Variants in MRTFB observed in about 807,000 individuals in gnomAD.
MRTFB encodes myocardin related transcription factor B.
Under a neutral mutation model 104.2 loss-of-function variants are expected in MRTFB, and 29 were observed. That is an observed-to-expected ratio of 0.28 (90% CI 0.21 to 0.38). The LOEUF (loss-of-function observed/expected upper bound fraction) is 0.38, where lower values mean the gene tolerates loss of function less well. Ranked by LOEUF, MRTFB falls within the 10% of genes least tolerant of loss-of-function variation. The probability of loss-of-function intolerance (pLI) is 1.00; values close to 1 mark genes in which losing one functional copy is unlikely to be tolerated. For synonymous variants in MRTFB, 535 were observed against 519.5 expected, an observed-to-expected ratio of 1.03 and a Z score of -0.41; for missense variants, 1,270 against 1,341.6, an observed-to-expected ratio of 0.95 and a Z score of 0.83.
At position 14,246,620 on chromosome 16, in the gene MRTFB, A is replaced by G. The variant is rs927721370; in HGVS notation, c.1360A>G (p.Ile454Val). 4 of 1,614,166 alleles carry G rather than the reference A, an allele frequency of 2.5e-6. No homozygotes were observed. Among genetic ancestry groups the G allele is most frequent in the African/African-American group, 2.7e-5 (2 of 75,038 alleles). The change falls in exon 12 of 17, where the codon ATT (isoleucine) becomes GTT (valine). Residue 454 changes from isoleucine (I) to valine (V), a missense_variant. Transcript: ENST00000571589. ...GGIVAVSSSAIVTSNPEVTVA... is the reference protein window; with the variant it reads ...GGIVAVSSSAVVTSNPEVTVA... ...CATCGTGGCAGTGTCATCATCAGCCATTGTCACCAGTAACCCAGAAGTCAC... is the reference window on the plus strand; with the variant it reads ...CATCGTGGCAGTGTCATCATCAGCCGTTGTCACCAGTAACCCAGAAGTCAC...
the MRTFB span, among the ~76,000 whole-genome samples, chr16:14,058,578 G>A: frequency 6.6e-6 from 1 of 152,070 alleles, no homozygotes; most frequent in Admixed American, 6.6e-5. Flanking sequence ...GCTTGTAGCT[G>A]CAAAACTACA....
At chr16:14,213,400 A>G in intron 5 of MRTFB, 145 bp from the exon 6 acceptor site, 2 of 521,764 alleles carry the variant, frequency 3.8e-6, no homozygotes, top group Non-Finnish European at 6.7e-6. Flanking sequence ...GTTGGATACT[A>G]GTTTTTCTAA....
the MRTFB span, among the ~76,000 whole-genome samples, chr16:14,002,645 C>T: frequency 2.0e-5 from 3 of 152,174 alleles, no homozygotes; most frequent in Admixed American, 6.5e-5. Flanking sequence ...CCAGCAACCA[C>T]AAAGACACTC....
At chr16:14,150,003 A>G (rs893030232) in intron 3 of MRTFB, among the ~76,000 whole-genome samples, 6 of 152,178 alleles carry the variant, frequency 3.9e-5, no homozygotes, top group African/African-American at 1.4e-4. Flanking sequence ...ATCTAAAGTG[A>G]CTAGCACACA....
chr16:14,236,454 A>G (rs941524000), intron 9 of MRTFB, among the ~76,000 whole-genome samples: 1 of 152,220 alleles, frequency 6.6e-6, no homozygotes, highest in Admixed American at 6.5e-5. Context: ...GGAACAAAAG[A>G]TCACAAATCC....
chr16:14,073,983 G>C (rs537207419), intron 1 of MRTFB, among the ~76,000 whole-genome samples: 1 of 152,044 alleles, frequency 6.6e-6, no homozygotes, highest in African/African-American at 2.4e-5. Flanking sequence ...TGTTACCTAC[G>C]TATAACATTT....
At chr16:14,067,945 C>T (rs968608324), upstream of MRTFB, among the ~76,000 whole-genome samples, 4 of 152,122 alleles carry the variant, frequency 2.6e-5, no homozygotes, top group Admixed American at 6.5e-5. Flanking sequence ...GATTCTTGTG[C>T]CTCAGCATCC....
intron 2 of MRTFB, among the ~76,000 whole-genome samples, chr16:14,134,299 C>T (rs771178059): frequency 2.0e-5 from 3 of 152,104 alleles, no homozygotes; most frequent in African/African-American, 4.8e-5. Flanking sequence ...AATGGTTACA[C>T]GTAAAAATCC....
intron 2 of MRTFB, among the ~76,000 whole-genome samples, chr16:14,137,826 G>A (rs1374192430): frequency 6.6e-6 from 1 of 151,528 alleles, no homozygotes. Context: ...TACATTTATA[G>A]ACTTTTAAAA....
At chr16:14,233,232 T>A (rs544911030) in intron 8 of MRTFB, among the ~76,000 whole-genome samples, 1 of 152,314 alleles carries the variant, frequency 6.6e-6, no homozygotes, top group East Asian at 1.9e-4. Context: ...GATAATGTTG[T>A]CGGTAAAACA....
At chr16:14,232,131 C>G (rs1466688691) in intron 8 of MRTFB, among the ~76,000 whole-genome samples, 1 of 152,234 alleles carries the variant, frequency 6.6e-6, no homozygotes. Flanking sequence ...ATTCATCACA[C>G]TATCTTCAGT....
intron 3 of MRTFB, among the ~76,000 whole-genome samples, chr16:14,157,647 C>T (rs1458441008): frequency 6.6e-6 from 1 of 152,090 alleles, no homozygotes; most frequent in Non-Finnish European, 1.5e-5. Flanking sequence ...TCAAAACTGG[C>T]CACAGAGATG....
intron 3 of MRTFB, among the ~76,000 whole-genome samples, chr16:14,166,104 T>C (rs2039227466): frequency 6.6e-6 from 1 of 152,222 alleles, no homozygotes; most frequent in Non-Finnish European, 1.5e-5. Flanking sequence ...GTCAATCTTA[T>C]TGTTTAGCAA....
chr16:14,190,187 C>T (rs954007121), intron 3 of MRTFB, among the ~76,000 whole-genome samples: 2 of 152,156 alleles, frequency 1.3e-5, no homozygotes, highest in Non-Finnish European at 2.9e-5. Context: ...TAGGAGAGAA[C>T]AGCAATAAAT....
intron 3 of MRTFB, among the ~76,000 whole-genome samples, chr16:14,209,396 C>T (rs1257238745): frequency 1.3e-5 from 2 of 152,194 alleles, no homozygotes; most frequent in Non-Finnish European, 2.9e-5. Flanking sequence ...CTTAAAATCA[C>T]AGTGGAAACT....
intron 2 of MRTFB, among the ~76,000 whole-genome samples, chr16:14,098,099 T>A (rs2035494833): frequency 1.3e-5 from 2 of 152,206 alleles, no homozygotes; most frequent in South Asian, 4.1e-4. Context: ...CTCTGTTATC[T>A]CTTGAGTAAA....
intron 2 of MRTFB, among the ~76,000 whole-genome samples, chr16:14,084,435 G>C (rs1365060667): frequency 6.6e-6 from 1 of 152,172 alleles, no homozygotes; most frequent in African/African-American, 2.4e-5. Context: ...AGGTGTTCAG[G>C]AGGCTGAGGC....
In MRTFB at chr16:14,075,916, A is replaced by G. The variant is rs536403688; in HGVS notation, c.-128-3374A>G. ...TTTACAAATTGTTTTCATGTAGATAAGATGTTCATATGGTTCAAAAATTAA... is the reference window on the plus strand; with the variant it reads ...TTTACAAATTGTTTTCATGTAGATAGGATGTTCATATGGTTCAAAAATTAA... On this transcript the variant is annotated intron_variant, in intron 1 of 16. Transcript: ENST00000571589. 7.9e-5 allele frequency among the ~76,000 whole-genome samples: 12 copies of G among 152,300 alleles called. No individual in the cohort carries two copies. In the South Asian group the frequency reaches 2.3e-3, roughly 29 times the overall value.
chr16:14,110,853 C>T (rs901293209), intron 2 of MRTFB, among the ~76,000 whole-genome samples: 15 of 152,176 alleles, frequency 9.9e-5, no homozygotes, highest in Non-Finnish European at 8.8e-5. Flanking sequence ...GCGTGAATCC[C>T]TCCTTTCCCA....
Sources: gnomAD v4.1 joint callset for allele counts (sites outside exome capture counted in the v4.1 genomes callset) on GRCh38, gnomAD v4.1.1 for gene constraint, MANE v1.5 for transcripts, NCBI Gene and HGNC (gene_info 2026-07-23, HGNC 2026-07-21) for gene names.